Variants in CCDC183 observed in about 807,000 individuals in gnomAD.
The protein encoded by CCDC183 is coiled-coil domain containing 183, also known as coiled-coil domain-containing protein 183.
In CCDC183, 63 loss-of-function variants were observed where a neutral mutation model predicts 65.2. That is an observed-to-expected ratio of 0.97 (90% CI 0.79 to 1.19). CCDC183 has a LOEUF of 1.19. Among genes scored for constraint, CCDC183 ranks in the 50% most tolerant of loss-of-function variants. CCDC183 has a pLI of 0.00. For synonymous variants in CCDC183, 323 were observed against 276.5 expected, an observed-to-expected ratio of 1.17 and a Z score of -1.67; for missense variants, 769 against 689.3, an observed-to-expected ratio of 1.12 and a Z score of -1.30.
rs758617287 is a variant in CCDC183, at chr9:136,806,567, G to A, written c.1173G>A (p.Leu391=). The A allele has an allele frequency of 3.7e-6, 6 of 1,613,538 alleles. No individual in the cohort carries two copies. In the East Asian group the frequency reaches 1.3e-4, roughly 36 times the overall value. Residue 391 remains leucine, a synonymous_variant, in exon 11 of 14, where the codon CTG becomes CTA. Transcript: ENST00000338005. ...AAGAGGAAGAAGAGAGGCTCCAGCTGGCGCACAGCAACATGACCAAGGGCC... is the reference window on the plus strand; with the variant it reads ...AAGAGGAAGAAGAGAGGCTCCAGCTAGCGCACAGCAACATGACCAAGGGCC... ...MLKEEEERLQ[L]AHSNMTKGQE... is the part of the protein sequence containing the mutation.
rs534738041 is a variant in CCDC183 at position 136,798,067 on chromosome 9, G to A, written c.71-1035G>A. Among the ~76,000 whole-genome samples, 5 of 152,006 alleles carry A rather than the reference G, an allele frequency of 3.3e-5. No individual in the cohort carries two copies. In the East Asian group the frequency reaches 9.7e-4, roughly 30 times the overall value. ...GTCACCCAGGCTGGAGTGCAATGGTGCAATCTCAGCACACTGCAACCTCCA... is the reference window on the plus strand; with the variant it reads ...GTCACCCAGGCTGGAGTGCAATGGTACAATCTCAGCACACTGCAACCTCCA... On this transcript the variant is annotated intron_variant, in intron 1 of 13. Transcript: ENST00000338005.
chr9:136,805,259 C>A, intron 8 of CCDC183, 98 bp from the exon 9 acceptor site: 1 of 996,030 alleles, frequency 1.0e-6, no homozygotes, highest in Non-Finnish European at 1.5e-6. Context: ...TGGGTGGCCG[C>A]CCCAGCAGCT....
At position 136,800,497 on chromosome 9, in the gene CCDC183, A is replaced by G. The variant is rs762695916; in HGVS notation, c.543+4A>G. On this transcript the variant is annotated splice_donor_region_variant and intron_variant, in intron 5 of 13. Coordinates refer to ENST00000338005, the MANE Select transcript of CCDC183 (RefSeq NM_001039374.5). ...CCTGCTGGATTATCTGAAGACAGTGAGCCCAGCGGCCCGGGAAGGGCGGGG... is the reference window on the plus strand; with the variant it reads ...CCTGCTGGATTATCTGAAGACAGTGGGCCCAGCGGCCCGGGAAGGGCGGGG... 3 of 1,584,974 alleles carry G rather than the reference A, an allele frequency of 1.9e-6. No homozygotes were observed. Among genetic ancestry groups the G allele is most frequent in the Non-Finnish European group, 2.6e-6 (3 of 1,160,116 alleles).
chr9:136,800,604 T>G, intron 5 of CCDC183, 111 bp downstream of exon 5: 2 of 741,500 alleles, frequency 2.7e-6, no homozygotes, highest in Non-Finnish European at 4.5e-6. Context: ...GAGCTCTGCC[T>G]GACCACCGGC....
At position 136,807,505 on chromosome 9, in the gene CCDC183, G is replaced by A. The variant is rs1847882620; in HGVS notation, c.1487-67G>A. 3 of 1,473,042 alleles carry A rather than the reference G, an allele frequency of 2.0e-6. No homozygotes were observed. The Admixed American group carries it at 7.1e-5, about 35-fold the overall frequency. The allele number at this position is 1,473,042 out of a possible 1,614,324, so 91.2% of individuals were successfully genotyped here. A position where few individuals can be genotyped will look rare whatever the true frequency, so the allele number is the denominator to read the frequency against. ...CCGGGTCGGTGGAGGGCGGGGGCGA[G>A]AGGCGGGTCGGGCGGCTGCGCCTAG... On this transcript the variant is annotated intron_variant, in intron 13 of 13. Coordinates refer to ENST00000338005, the MANE Select transcript of CCDC183 (RefSeq NM_001039374.5).
In CCDC183 at chr9:136,803,337, C is replaced by T. The variant is rs190185110; in HGVS notation, c.666+551C>T. ...CTTCTGGCCAGGGTCTCTCAGGAGACCCCCATGCCCACACTGCCTACAATC... is the reference window on the plus strand; with the variant it reads ...CTTCTGGCCAGGGTCTCTCAGGAGATCCCCATGCCCACACTGCCTACAATC... On this transcript the variant is annotated intron_variant, in intron 6 of 13. Transcript: ENST00000338005. 1.1e-4 allele frequency among the ~76,000 whole-genome samples: 17 copies of T among 152,270 alleles called. 1 individual carries two copies. The East Asian group carries it at 3.3e-3, about 30-fold the overall frequency.
intron 1 of CCDC183, among the ~76,000 whole-genome samples, chr9:136,797,018 G>C (rs535868934): frequency 7.9e-5 from 12 of 152,296 alleles, no homozygotes; most frequent in African/African-American, 2.4e-4. Flanking sequence ...GAAGGCATCT[G>C]TCTCCTGCTC....
At chr9:136,807,230 T>C in intron 13 of CCDC183, 164 bp downstream of exon 13, 1 of 671,044 alleles carries the variant, frequency 1.5e-6, no homozygotes, top group Non-Finnish European at 2.5e-6. Context: ...GACTTAGTGA[T>C]GCCATGGGGA....
rs768364677 is a variant in CCDC183, at chr9:136,802,675, A to G, written c.555A>G (p.Gly185=). The part of the protein sequence containing the change: ...LLDYLKTVLA[G]YPIELDKLQN... The stretch of plus-strand genomic sequence containing the variant: ...CCCATTCAACACAGGTGCTGGCAGG[A>G]TACCCCATTGAGCTGGACAAGCTGC... Residue 185 remains glycine (G), a synonymous_variant, in exon 6 of 14, where the codon GGA becomes GGG. Transcript: ENST00000338005. 4.3e-6 allele frequency: 7 copies of G among 1,612,150 alleles called. No individual in the cohort carries two copies. The Admixed American group carries it at 5.0e-5, about 12-fold the overall frequency.
intron 8 of CCDC183, 81 bp from the exon 9 acceptor site, chr9:136,805,276 G>A: frequency 8.5e-7 from 1 of 1,177,974 alleles, no homozygotes; most frequent in Non-Finnish European, 1.2e-6. Flanking sequence ...AGCTGGGCAG[G>A]TACAGAGGTG....
Position 136,804,729 on chromosome 9 carries a change from T to A in CCDC183, c.793-33T>A, listed in dbSNP as rs1847811998. 6.2e-7 allele frequency: 1 copy of A among 1,613,274 alleles called. No homozygotes were observed. The highest frequency in any genetic ancestry group is 2.2e-5 in the East Asian group (1 of 44,852). On this transcript the variant is annotated intron_variant, in intron 7 of 13. Coordinates refer to ENST00000338005, the MANE Select transcript of CCDC183 (RefSeq NM_001039374.5). This position sits in a 1 kb window ranked among gnomAD's most constrained non-coding sequence, Gnocchi z 4.1. Reference sequence around the variant, plus strand: ...CAGGGCCCACTCCCTGCCAAGGATGTCTCATCCCTTCCCCGCCCCCACCTC... The same window carrying A: ...CAGGGCCCACTCCCTGCCAAGGATGACTCATCCCTTCCCCGCCCCCACCTC...
rs1057488189 is a variant in CCDC183, at chr9:136,800,039, G to T, written c.308G>T (p.Arg103Leu). ...AAGCTGCGCAAGTACGTCTTCGACC[G>T]CGTGAACATGCACAACCTACTGATC... Reference protein sequence around the residue: ...REKLRKYVFDRVNMHNLLIHL... With the variant: ...REKLRKYVFDLVNMHNLLIHL... The change falls in exon 4 of 14, where the codon CGC becomes CTC. Residue 103 changes from arginine (R) to leucine (L), a missense_variant. Physicochemically the swap from Arg to Leu is moderately radical, Grantham distance 102. Coordinates refer to ENST00000338005, the MANE Select transcript of CCDC183 (RefSeq NM_001039374.5). 1.5e-5 allele frequency: 24 copies of T among 1,588,742 alleles called. No individual in the cohort carries two copies. Among genetic ancestry groups the T allele is most frequent in the Non-Finnish European group, 2.0e-5 (23 of 1,168,544 alleles).
In CCDC183 at chr9:136,806,799, C is replaced by G; in HGVS notation, c.1321C>G (p.Leu441Val). Residue 441 changes from leucine (L) to valine (V), a missense_variant, in exon 12 of 14, where the codon CTG (leucine) becomes GTG (valine). Leu to Val is a conservative substitution (Grantham distance 32, BLOSUM62 1). Transcript: ENST00000338005. ...LSNTLDLNSK[L>V]AYCEGKLTYL... ...CAACACCCTCGATTTGAACAGCAAG[C>G]TGGCGTACTGCGAGGGGAAGCTCAC... The G allele has an allele frequency of 6.2e-7, 1 of 1,613,690 alleles. No homozygotes were observed. The highest frequency in any genetic ancestry group is 8.5e-7 in the Non-Finnish European group (1 of 1,180,036).
rs1847819081 is a variant in CCDC183 at position 136,805,124 on chromosome 9, A to G, written c.848-233A>G. The G allele has an allele frequency of 6.7e-6, 4 of 593,068 alleles. No homozygotes were observed. In the Admixed American group the frequency reaches 1.2e-4, roughly 18 times the overall value. 36.7% of individuals were successfully genotyped at this position (593,068 alleles called of 1,614,324 possible). On this transcript the variant is annotated intron_variant, in intron 8 of 13. Coordinates refer to ENST00000338005, the MANE Select transcript of CCDC183 (RefSeq NM_001039374.5). The stretch of plus-strand genomic sequence containing the variant: ...GCACCACCGGGCCCACAGTGCTCAC[A>G]GTGCTGCGCCACTCACTCCGGGTCC...
intron 9 of CCDC183, among the ~76,000 whole-genome samples, chr9:136,805,875 T>C (rs1290895653): frequency 6.6e-6 from 1 of 152,132 alleles, no homozygotes; most frequent in Non-Finnish European, 1.5e-5. Flanking sequence ...ACACCTGTGG[T>C]CCCAGCTACT....
At chr9:136,803,489 G>C (rs982398597) in intron 6 of CCDC183, among the ~76,000 whole-genome samples, 1 of 152,204 alleles carries the variant, frequency 6.6e-6, no homozygotes, top group East Asian at 1.9e-4. Flanking sequence ...CAGGGCGGGG[G>C]TCACCTATTC....
rs371224010 is a variant in CCDC183 at position 136,802,772 on chromosome 9, A to G, written c.652A>G (p.Thr218Ala). ...CATGTCCCAAGATGCCATGATGATC[A>G]CGGATGAGGTCAAGGTGAGCTCAGG... ...KIMSQDAMMI[T>A]DEVKRNMRQR... is the part of the protein sequence containing the mutation. The change falls in exon 6 of 14, where the codon ACG (threonine) becomes GCG (alanine). Residue 218 changes from threonine to alanine, a missense_variant. Coordinates refer to ENST00000338005, the MANE Select transcript of CCDC183 (RefSeq NM_001039374.5). 1 of 1,611,764 alleles carries G rather than the reference A, an allele frequency of 6.2e-7. No individual in the cohort carries two copies. Among genetic ancestry groups the G allele is most frequent in the Non-Finnish European group, 8.5e-7 (1 of 1,179,088 alleles).
At chr9:136,803,114 G>A (rs1847767891) in intron 6 of CCDC183, among the ~76,000 whole-genome samples, 2 of 62,746 alleles carry the variant, frequency 3.2e-5, no homozygotes, top group Admixed American at 1.2e-4. Flanking sequence ...TTGGATCTTC[G>A]GATGGGGTCA....
At chr9:136,807,454 G>A (rs1001258309) in intron 13 of CCDC183, 118 bp from the exon 14 acceptor site, 7 of 1,284,866 alleles carry the variant, frequency 5.4e-6, no homozygotes, top group Admixed American at 2.9e-5. Context: ...GCACGCTGGG[G>A]CTGTCCCTGG....
Sources: gnomAD v4.1 joint callset for allele counts (sites outside exome capture counted in the v4.1 genomes callset) on GRCh38, gnomAD v4.1.1 for gene constraint, Gnocchi (gnomAD v3.1) non-coding constraint, MANE v1.5 for transcripts, NCBI Gene and HGNC (gene_info 2026-07-23, HGNC 2026-07-21) for gene names.